Variants in NCALD observed in about 807,000 individuals in gnomAD.
NCALD encodes the protein neurocalcin delta, also known as neurocalcin-delta.
A neutral mutation model predicts 18.6 loss-of-function variants in NCALD; 10 were observed. The observed-to-expected ratio is 0.54, with a 90% CI of 0.33 to 0.91. The LOEUF (loss-of-function observed/expected upper bound fraction) is 0.91, where lower values mean the gene tolerates loss of function less well. Ranked by LOEUF, NCALD falls within the 40% of genes least tolerant of loss-of-function variation. The probability of loss-of-function intolerance (pLI) is 0.03; values close to 1 mark genes in which losing one functional copy is unlikely to be tolerated. For synonymous variants in NCALD, 88 were observed against 87.4 expected (o/e 1.01, Z -0.04); for missense variants, 184 against 247.6 (o/e 0.74, Z 1.72).
intron 1 of NCALD, among the ~76,000 whole-genome samples, chr8:101,732,784 A>G (rs1438751641): frequency 1.3e-5 from 2 of 151,566 alleles, no homozygotes; most frequent in East Asian, 3.9e-4. Context: ...TTGTATTTTC[A>G]GTAGAGACGG....
chr8:102,008,969 A>ACACACACACACAG (rs1215721845), intron 2 of NCALD, among the ~76,000 whole-genome samples: 1 of 111,802 alleles, frequency 8.9e-6, no homozygotes, highest in African/African-American at 3.6e-5. Flanking sequence ...CACACACACA[A>ACACACACACACAG]GCCCTAAAAG....
chr8:101,739,082 A>G (rs571152169), intron 1 of NCALD, among the ~76,000 whole-genome samples: 12 of 151,770 alleles, frequency 7.9e-5, no homozygotes, highest in Middle Eastern at 3.2e-3. Context: ...TCCATCCCCA[A>G]TATTCTCATG....
chr8:101,850,445 C>T (rs1038361934), intron 4 of NCALD, among the ~76,000 whole-genome samples: 1 of 152,204 alleles, frequency 6.6e-6, no homozygotes, highest in Non-Finnish European at 1.5e-5. Flanking sequence ...AAGATCGCTA[C>T]ACACTTATTT....
intron 2 of NCALD, among the ~76,000 whole-genome samples, chr8:101,948,269 G>T (rs1239930540): frequency 6.6e-6 from 1 of 152,218 alleles, no homozygotes; most frequent in Non-Finnish European, 1.5e-5. Context: ...CTATTTAGGT[G>T]ACCAAGTTGA....
intron 4 of NCALD, among the ~76,000 whole-genome samples, chr8:101,810,764 G>A (rs944306476): frequency 4.6e-5 from 7 of 151,984 alleles, no homozygotes. Flanking sequence ...AGCTGCTAAT[G>A]CCTATTTCTT....
At chr8:101,864,184 G>A (rs887330560) in intron 4 of NCALD, among the ~76,000 whole-genome samples, 4 of 152,106 alleles carry the variant, frequency 2.6e-5, no homozygotes, top group African/African-American at 4.8e-5. Context: ...CCTGCTATAC[G>A]GTGGCTCAAA....
chr8:101,813,757 A>C (rs1481492040), intron 4 of NCALD, among the ~76,000 whole-genome samples: 2 of 152,086 alleles, frequency 1.3e-5, no homozygotes, highest in African/African-American at 4.8e-5. Context: ...GACATCTTTA[A>C]AATGGCTTTT....
chr8:101,879,408 G>A (rs545337067), intron 4 of NCALD, among the ~76,000 whole-genome samples: 12 of 152,316 alleles, frequency 7.9e-5, no homozygotes, highest in Middle Eastern at 6.8e-3. Flanking sequence ...GTCTGGAGTC[G>A]TTCATTTCTC....
intron 1 of NCALD, among the ~76,000 whole-genome samples, chr8:102,024,157 G>A (rs1428055028): frequency 6.6e-6 from 1 of 152,106 alleles, no homozygotes; most frequent in Non-Finnish European, 1.5e-5. Context: ...AAACCTAATT[G>A]TAATATTTAA....
intron 1 of NCALD, among the ~76,000 whole-genome samples, chr8:102,073,966 T>A (rs1824263103): frequency 6.6e-6 from 1 of 152,202 alleles, no homozygotes; most frequent in South Asian, 2.1e-4. Flanking sequence ...GTTAGAGGTT[T>A]TGCAGGACAC....
At chr8:102,006,598 C>T (rs751483063) in intron 2 of NCALD, among the ~76,000 whole-genome samples, 9 of 152,124 alleles carry the variant, frequency 5.9e-5, no homozygotes, top group Admixed American at 5.2e-4. Flanking sequence ...GTAGAAGATC[C>T]GAGCTAGAGG....
At chr8:101,932,370 C>A (rs192948734) in intron 2 of NCALD, among the ~76,000 whole-genome samples, 2 of 152,288 alleles carry the variant, frequency 1.3e-5, no homozygotes, top group East Asian at 3.9e-4. Flanking sequence ...AAAATAATCA[C>A]ATCCCCATTC....
intron 2 of NCALD, among the ~76,000 whole-genome samples, chr8:102,006,778 C>G (rs1016675180): frequency 4.6e-5 from 7 of 152,240 alleles, no homozygotes; most frequent in African/African-American, 1.7e-4. Context: ...GTAAATAGTT[C>G]CTGGTTGCCT....
chr8:101,855,557 A>G (rs1815280543), intron 4 of NCALD, among the ~76,000 whole-genome samples: 1 of 152,172 alleles, frequency 6.6e-6, no homozygotes, highest in Admixed American at 6.5e-5. Context: ...CCTGATAGAA[A>G]TGGCTACATT....
intron 2 of NCALD, among the ~76,000 whole-genome samples, chr8:101,990,565 A>G (rs1821001870): frequency 6.6e-6 from 1 of 152,154 alleles, no homozygotes; most frequent in South Asian, 2.1e-4. Context: ...TTCTCTGGAT[A>G]GTGAATAAGT....
At chr8:101,887,962 C>T (rs530464391) in intron 3 of NCALD, among the ~76,000 whole-genome samples, 1 of 152,250 alleles carries the variant, frequency 6.6e-6, no homozygotes, top group Non-Finnish European at 1.5e-5. Flanking sequence ...CCCCTCCTGG[C>T]GCAATAAAAA....
At chr8:102,089,866 G>C (rs977418634) in intron 1 of NCALD, among the ~76,000 whole-genome samples, 1 of 152,184 alleles carries the variant, frequency 6.6e-6, no homozygotes, top group African/African-American at 2.4e-5. Flanking sequence ...AGGGTATTCA[G>C]TTTTTCTGTA....
intron 2 of NCALD, among the ~76,000 whole-genome samples, chr8:101,925,456 T>TGATAGAC (rs1009542730): frequency 1.3e-5 from 2 of 152,122 alleles, no homozygotes; most frequent in Non-Finnish European, 2.9e-5. Flanking sequence ...TAGACACATA[T>TGATAGAC]AAACATGAAT....
At chr8:102,115,885 C>T (rs1158736982) in intron 1 of NCALD, among the ~76,000 whole-genome samples, 1 of 152,214 alleles carries the variant, frequency 6.6e-6, no homozygotes, top group Non-Finnish European at 1.5e-5. Context: ...CAATGCCATC[C>T]AGCAAAGCAA....
Sources: gnomAD v4.1 joint callset for allele counts (sites outside exome capture counted in the v4.1 genomes callset) on GRCh38, gnomAD v4.1.1 for gene constraint, MANE v1.5 for transcripts, NCBI Gene and HGNC (gene_info 2026-07-23, HGNC 2026-07-21) for gene names.